The following NRXN3 variants were observed in gnomAD, a reference collection of about 807,000 sequenced individuals.
NRXN3 encodes neurexin III.
NRXN3 carries 32 observed loss-of-function variants against 137.6 expected under a neutral mutation model. That is an observed-to-expected ratio of 0.23 (90% CI 0.18 to 0.31). The LOEUF is 0.31. NRXN3 is among the 10% of genes least tolerant of loss of function. The pLI is 1.00. For missense variants in NRXN3, 1,574 were observed against 2,062.5 expected (o/e 0.76, Z 4.59); for synonymous variants, 798 against 784.5 (o/e 1.02, Z -0.29).
At chr14:79,837,299 TAA>T (rs11343822) in intron 20 of NRXN3, among the ~76,000 whole-genome samples, 19 of 151,040 alleles carry the variant, frequency 1.3e-4, no homozygotes, top group Admixed American at 6.0e-4. Flanking sequence ...CATTTTTTTT[TAA>T]AAAAACCGTC....
chr14:79,512,116 C>A (rs2096938015), intron 16 of NRXN3, among the ~76,000 whole-genome samples: 1 of 152,164 alleles, frequency 6.6e-6, no homozygotes, highest in African/African-American at 2.4e-5. Context: ...TCAGGCTGAT[C>A]TTGAACTCCT....
Position 78,957,340 on chromosome 14 carries a change from G to A in NRXN3, c.2374G>A (p.Val792Met), listed in dbSNP as rs1478473675. 10 of 1,613,922 alleles carry A rather than the reference G, an allele frequency of 6.2e-6. No homozygotes were observed. Among genetic ancestry groups the A allele is most frequent in the East Asian group, 2.2e-5 (1 of 44,882 alleles). The change falls in exon 11 of 21, where the codon GTG (valine) becomes ATG (methionine). Residue 792 changes from valine (V) to methionine (M), a missense_variant. Transcript: ENST00000335750. ...VRRGKSLKLT[V>M]DDDVAEGTMV... Reference sequence around the variant, plus strand: ...GAGAGGAAAAAGCCTTAAGTTAACCGTGGATGATGATGTGGCTGAGGGTGA... The same window carrying A: ...GAGAGGAAAAAGCCTTAAGTTAACCATGGATGATGATGTGGCTGAGGGTGA...
intron 15 of NRXN3, chr14:79,280,137 G>T: frequency 4.8e-6 from 7 of 1,465,210 alleles, no homozygotes; most frequent in South Asian, 4.5e-5. Flanking sequence ...TTTTTTAACT[G>T]ATTCATTGTT....
intron 4 of NRXN3, among the ~76,000 whole-genome samples, chr14:78,636,338 A>G (rs2097566609): frequency 6.6e-6 from 1 of 152,142 alleles, no homozygotes; most frequent in East Asian, 1.9e-4. Flanking sequence ...TACTGTGGTA[A>G]GGATTACTGC....
chr14:78,304,467 G>A (rs2077169907), intron 4 of NRXN3, among the ~76,000 whole-genome samples: 1 of 152,212 alleles, frequency 6.6e-6, no homozygotes, highest in Non-Finnish European at 1.5e-5. Context: ...CCGTTGGGCA[G>A]GACATGGCCA....
At chr14:79,271,269 T>A (rs994348560) in intron 15 of NRXN3, among the ~76,000 whole-genome samples, 2 of 152,162 alleles carry the variant, frequency 1.3e-5, no homozygotes, top group African/African-American at 4.8e-5. Flanking sequence ...TAAACTTTTT[T>A]AAAAATATGG....
At chr14:78,803,556 A>G (rs898858117) in intron 8 of NRXN3, 64 bp from the exon 9 acceptor site, 1 of 1,488,196 alleles carries the variant, frequency 6.7e-7, no homozygotes, top group Non-Finnish European at 9.4e-7. Context: ...GCCTGAAAGC[A>G]AAGGGGTATT....
At chr14:79,661,923 T>C (rs2098536311) in intron 16 of NRXN3, 1 of 152,120 alleles carries the variant, frequency 6.6e-6, no homozygotes, top group Admixed American at 6.5e-5. Context: ...GTTCCCATAA[T>C]CCCAACGTGT....
At chr14:79,511,134 G>A (rs73341444) in intron 16 of NRXN3, among the ~76,000 whole-genome samples, 13,536 of 152,206 alleles carry the variant, frequency 0.089, 1,408 homozygotes, top group African/African-American at 0.24. Flanking sequence ...CAGCTCTACT[G>A]CAGTAATAGC....
At chr14:78,428,675 G>A (rs537905890) in intron 4 of NRXN3, among the ~76,000 whole-genome samples, 4 of 152,230 alleles carry the variant, frequency 2.6e-5, no homozygotes, top group African/African-American at 9.6e-5. Flanking sequence ...ACCCAGGAAA[G>A]CTGATGTTGT....
intron 18 of NRXN3, among the ~76,000 whole-genome samples, chr14:79,693,623 T>C (rs905409204): frequency 2.0e-5 from 3 of 151,928 alleles, no homozygotes; most frequent in African/African-American, 7.2e-5. Context: ...CTCCATTGCC[T>C]TTTAAGTCTA....
At chr14:78,266,452 C>A (rs2071728947) in intron 2 of NRXN3, among the ~76,000 whole-genome samples, 1 of 152,210 alleles carries the variant, frequency 6.6e-6, no homozygotes, top group African/African-American at 2.4e-5. Flanking sequence ...GCACATACCA[C>A]CACGCCCAGC....
chr14:79,551,174 G>A (rs529655432), intron 16 of NRXN3, among the ~76,000 whole-genome samples: 1 of 152,248 alleles, frequency 6.6e-6, no homozygotes, highest in South Asian at 2.1e-4. Context: ...ATAGTGAATG[G>A]CATTTCTTAT....
chr14:78,301,118 T>C (rs1262775617), intron 4 of NRXN3, among the ~76,000 whole-genome samples: 2 of 151,550 alleles, frequency 1.3e-5, no homozygotes, highest in Admixed American at 6.6e-5. Context: ...AGGGAGAGAA[T>C]TGGTGAATTG....
intron 10 of NRXN3, among the ~76,000 whole-genome samples, chr14:78,830,381 A>C (rs1238875202): frequency 6.6e-6 from 1 of 152,152 alleles, no homozygotes; most frequent in African/African-American, 2.4e-5. Context: ...TTCTCAATTT[A>C]TGTTTGATTC....
chr14:78,631,127 G>A lies in NRXN3; in HGVS notation c.758-13993G>A, dbSNP rs568918511. 2.1e-4 allele frequency among the ~76,000 whole-genome samples: 32 copies of A among 152,150 alleles called. No individual in the cohort carries two copies. In the East Asian group the frequency reaches 3.3e-3, roughly 16 times the overall value. ...ATCATTCAGATAAGACCAAGTTTCC[G>A]GGCCTGTAAATCAGAGAATCAGGTT... On this transcript the variant is annotated intron_variant, in intron 4 of 20. Coordinates refer to ENST00000335750, the MANE Select transcript of NRXN3 (RefSeq NM_001330195.2).
intron 19 of NRXN3, among the ~76,000 whole-genome samples, chr14:79,717,307 G>T (rs1281715960): frequency 1.3e-5 from 2 of 152,160 alleles, no homozygotes; most frequent in Non-Finnish European, 2.9e-5. Context: ...CTGCCTTTTT[G>T]ATGGAGTAGT....
intron 4 of NRXN3, among the ~76,000 whole-genome samples, chr14:78,424,958 A>G (rs902791064): frequency 6.6e-6 from 1 of 152,168 alleles, no homozygotes; most frequent in African/African-American, 2.4e-5. Context: ...CCTGTTGTGG[A>G]CATGCTGGTC....
intron 15 of NRXN3, among the ~76,000 whole-genome samples, chr14:79,273,351 TG>T (rs1486603796): frequency 6.6e-6 from 1 of 150,568 alleles, no homozygotes; most frequent in Non-Finnish European, 1.5e-5. Context: ...AATAATAAAA[TG>T]GGCCGGGCAC....
Sources: gnomAD v4.1 joint callset for allele counts (sites outside exome capture counted in the v4.1 genomes callset) on GRCh38, gnomAD v4.1.1 for gene constraint, MANE v1.5 for transcripts, NCBI Gene and HGNC (gene_info 2026-07-23, HGNC 2026-07-21) for gene names.